APP: variants seen among roughly 807,000 people sequenced by gnomAD.
The protein encoded by APP is amyloid beta precursor protein, also known as amyloid-beta precursor protein.
Under a neutral mutation model 101.4 loss-of-function variants are expected in APP, and 31 were observed. That is an observed-to-expected ratio of 0.31 (90% CI 0.23 to 0.41). APP has a LOEUF of 0.41. APP is among the 10% of genes least tolerant of loss of function. The pLI, the probability that APP is intolerant of heterozygous loss-of-function variation, is 1.00. For synonymous variants in APP, 366 were observed against 364.4 expected (o/e 1.00, Z -0.05); for missense variants, 839 against 1,003.7 (o/e 0.84, Z 2.22).
chr21:26,159,370 C>T (rs2063443517), intron 1 of APP, among the ~76,000 whole-genome samples: 3 of 152,198 alleles, frequency 2.0e-5, no homozygotes, highest in Non-Finnish European at 4.4e-5. Flanking sequence ...TAAGCCACCG[C>T]ACCAGGCCAT....
chr21:26,089,664 A>G (rs2061780005), intron 3 of APP: 4 of 315,162 alleles, frequency 1.3e-5, no homozygotes, highest in Admixed American at 4.3e-5. Flanking sequence ...ATCCGCTACT[A>G]TAGGCATTTT....
In APP at chr21:25,935,710, C is replaced by T. The variant is rs185877016; in HGVS notation, c.1687+18880G>A. 6.2e-3 allele frequency among the ~76,000 whole-genome samples: 940 copies of T among 151,698 alleles called. 8 individuals are homozygous for T. Among genetic ancestry groups the T allele is most frequent in the Non-Finnish European group, 0.01 (693 of 67,892 alleles). ...CAAAAATTAGCTGGGTGTGGTGGTG[C>T]GCGCCTATAATCCCAGCTACTCAGG... On this transcript the variant is annotated intron_variant, in intron 13 of 17. Coordinates refer to ENST00000346798, the MANE Select transcript of APP (RefSeq NM_000484.4).
intron 8 of APP, among the ~76,000 whole-genome samples, chr21:25,988,702 C>CAAAAAAAAAAAAAAAAAAAAAAAAAAAAA (rs537417600): frequency 1.6e-5 from 1 of 62,364 alleles, no homozygotes; most frequent in African/African-American, 6.4e-5. Context: ...AACTCTGTCT[C>CAAAAAAAAAAAAAAAAAAAAAAAAAAAAA]AAAAAAAAAA....
chr21:26,081,320 AG>A (rs1167749808), intron 3 of APP, among the ~76,000 whole-genome samples: 1 of 145,068 alleles, frequency 6.9e-6, no homozygotes, highest in African/African-American at 2.6e-5. Flanking sequence ...GAGTCAGGAA[AG>A]GGAGATGGGG....
chr21:25,884,753 G>GA (rs1189576809), intron 17 of APP, among the ~76,000 whole-genome samples: 4 of 152,130 alleles, frequency 2.6e-5, no homozygotes, highest in Admixed American at 6.5e-5. Context: ...TCTGATTGTA[G>GA]AAAAAAGCCA....
At chr21:26,054,573 G>C (rs2045961676) in intron 3 of APP, among the ~76,000 whole-genome samples, 1 of 151,614 alleles carries the variant, frequency 6.6e-6, no homozygotes, top group South Asian at 2.1e-4. Flanking sequence ...ATTTTAAAGA[G>C]GCTTAGGTTT....
chr21:26,030,407 T>C (rs1253366635), intron 5 of APP, among the ~76,000 whole-genome samples: 2 of 152,212 alleles, frequency 1.3e-5, no homozygotes, highest in Admixed American at 1.3e-4. Flanking sequence ...TGGTATCATC[T>C]GGACTCTGTA....
At chr21:26,134,690 A>T (rs2062859962) in intron 1 of APP, among the ~76,000 whole-genome samples, 1 of 152,140 alleles carries the variant, frequency 6.6e-6, no homozygotes, top group Non-Finnish European at 1.5e-5. Flanking sequence ...TAGTTTATCA[A>T]CTCAAACTTC....
At position 25,901,375 on chromosome 21, in the gene APP, T is replaced by C. The variant is rs1325993763; in HGVS notation, c.1963+3649A>G. 2.5e-4 allele frequency among the ~76,000 whole-genome samples: 34 copies of C among 136,550 alleles called. No homozygotes were observed. The Admixed American group carries it at 2.7e-3, about 11-fold the overall frequency. 89.6% of individuals were successfully genotyped at this position (136,550 alleles called of 152,430 possible). A position where few individuals can be genotyped will look rare whatever the true frequency, so the allele number is the denominator to read the frequency against. On this transcript the variant is annotated intron_variant, in intron 15 of 17. Transcript: ENST00000346798. ...CAAGCCCACACTACTTTTGAAATGA[T>C]ACTGTGAATACTTTTGGTGGTCCAA...
intron 1 of APP, among the ~76,000 whole-genome samples, chr21:26,123,733 G>A (rs886216875): frequency 6.6e-6 from 1 of 152,064 alleles, no homozygotes; most frequent in African/African-American, 2.4e-5. Context: ...AATTGTTGCC[G>A]AAAGAACAGA....
At chr21:26,011,194 GC>G (rs1442658181) in intron 6 of APP, among the ~76,000 whole-genome samples, 4 of 152,076 alleles carry the variant, frequency 2.6e-5, no homozygotes, top group African/African-American at 9.7e-5. Context: ...CTTTGCCTCA[GC>G]CTCCCAAGTA....
At chr21:26,119,471 C>A (rs987357310) in intron 1 of APP, among the ~76,000 whole-genome samples, 2 of 152,192 alleles carry the variant, frequency 1.3e-5, no homozygotes, top group Admixed American at 6.5e-5. Flanking sequence ...AAAGTTAGTT[C>A]TTTCCTTAAA....
intron 8 of APP, among the ~76,000 whole-genome samples, chr21:25,994,592 CT>C: frequency 6.6e-6 from 1 of 152,320 alleles, no homozygotes; most frequent in South Asian, 2.1e-4. Context: ...AGAGCTTTTT[CT>C]ATCTCCTTTC....
intron 13 of APP, among the ~76,000 whole-genome samples, chr21:25,914,580 G>A (rs1309278779): frequency 7.1e-6 from 1 of 140,654 alleles, no homozygotes; most frequent in South Asian, 2.3e-4. Context: ...TTGAGACGGA[G>A]TCTTGCTCTG....
At chr21:26,014,157 A>T (rs536325577) in intron 6 of APP, among the ~76,000 whole-genome samples, 8 of 152,326 alleles carry the variant, frequency 5.3e-5, no homozygotes, top group African/African-American at 1.9e-4. Context: ...ATTTTTGTAC[A>T]GCATGCTACT....
At chr21:26,151,483 CT>C (rs916706901) in intron 1 of APP, among the ~76,000 whole-genome samples, 22 of 148,722 alleles carry the variant, frequency 1.5e-4, no homozygotes, top group Middle Eastern at 3.5e-3. Context: ...CGTTCATTAC[CT>C]TTTTTTTTTA....
At chr21:25,972,794 C>G (rs2042081813) in intron 11 of APP, among the ~76,000 whole-genome samples, 1 of 151,298 alleles carries the variant, frequency 6.6e-6, no homozygotes, top group African/African-American at 2.4e-5. Flanking sequence ...ATGATGACTT[C>G]ATGGGTAAAC....
chr21:26,140,188 G>A (rs1434012335), intron 1 of APP: 2 of 1,535,950 alleles, frequency 1.3e-6, no homozygotes, highest in East Asian at 4.9e-5. Context: ...TCCTCTAATT[G>A]GTCCATTTGA....
chr21:26,022,478 C>T (rs2044386323), intron 5 of APP, among the ~76,000 whole-genome samples: 1 of 152,078 alleles, frequency 6.6e-6, no homozygotes, highest in Admixed American at 6.6e-5. Flanking sequence ...AAAAAGTCGC[C>T]TCTCATGTTA....
Sources: gnomAD v4.1 joint callset for allele counts (sites outside exome capture counted in the v4.1 genomes callset) on GRCh38, gnomAD v4.1.1 for gene constraint, MANE v1.5 for transcripts, NCBI Gene and HGNC (gene_info 2026-07-23, HGNC 2026-07-21) for gene names.